The following SLCO4A1 variants were observed in gnomAD, a reference collection of about 807,000 sequenced individuals.
SLCO4A1 encodes colon organic anion transporter.
A neutral mutation model predicts 64.6 loss-of-function variants in SLCO4A1; 51 were observed. The ratio of observed to expected loss-of-function variants is 0.79; its 90% CI spans 0.63 to 1.00. The LOEUF (loss-of-function observed/expected upper bound fraction) is 1.00. Ranked by LOEUF, SLCO4A1 falls within the 50% of genes least tolerant of loss-of-function variation. SLCO4A1 has a pLI of 0.00. For missense variants in SLCO4A1, 919 were observed against 980.5 expected (o/e 0.94, Z 0.84); for synonymous variants, 471 against 444.9 (o/e 1.06, Z -0.74).
Position 62,661,041 on chromosome 20 carries a change from C to CCCCCCCCCCCCCCCCAAACA in SLCO4A1, c.1010-23_1010-22insCCCCCCCCCCCCCCCAAACA. ...TCCGGGAGCCCCCAGCCCCCAGCCC[C>CCCCCCCCCCCCCCCCAAACA]AGCTCACTCTGTGCCCTTCCAGGCT... is the stretch of plus-strand genomic sequence containing the variant. On this transcript the variant is annotated intron_variant, in intron 4 of 11. Coordinates refer to ENST00000217159, the MANE Select transcript of SLCO4A1 (RefSeq NM_016354.4). This position sits in a 1 kb window ranked among gnomAD's most constrained non-coding sequence, Gnocchi z 5.2. The CCCCCCCCCCCCCCCCAAACA allele has an allele frequency of 1.4e-6, 2 of 1,424,144 alleles. No individual in the cohort carries two copies. Among genetic ancestry groups the CCCCCCCCCCCCCCCCAAACA allele is most frequent in the Non-Finnish European group, 2.0e-6 (2 of 1,010,142 alleles). The allele number at this position is 1,424,144 out of a possible 1,614,324, so 88.2% of individuals were successfully genotyped here. A position where few individuals can be genotyped will look rare whatever the true frequency, so the allele number is the denominator to read the frequency against.
In SLCO4A1 at chr20:62,685,253, G is replaced by A. The variant is rs1439340599; in HGVS notation, n.212-188G>A. Reference sequence around the variant, plus strand: ...AGCGGGGTGTGGGGGCAGGAGGAGGGGGGTGGTGGGGAGTGGGGGCTGGGT... The same window carrying A: ...AGCGGGGTGTGGGGGCAGGAGGAGGAGGGTGGTGGGGAGTGGGGGCTGGGT... On this transcript the variant is annotated intron_variant and non_coding_transcript_variant, in intron 2 of 2. Coordinates refer to the SLCO4A1 transcript ENST00000466818. This position sits in a 1 kb window ranked among gnomAD's most constrained non-coding sequence, Gnocchi z 4.6. Among the ~76,000 whole-genome samples the A allele has an allele frequency of 6.7e-6, 1 of 150,038 alleles. No individual in the cohort carries two copies. Among genetic ancestry groups the A allele is most frequent in the Non-Finnish European group, 1.5e-5 (1 of 67,238 alleles).
Position 62,668,458 on chromosome 20 carries a change from CT to C in SLCO4A1, c.1812-18del. ...AACCCCACTTCTGTGGGTGCTGACG[CT>C]GTGGTTTTCTATTGCAGATGTGTCC... On this transcript the variant is annotated intron_variant, in intron 9 of 11. Coordinates refer to ENST00000217159, the MANE Select transcript of SLCO4A1 (RefSeq NM_016354.4). 6.2e-7 allele frequency: 1 copy of C among 1,613,492 alleles called. No homozygotes were observed. The highest frequency in any genetic ancestry group is 8.5e-7 in the Non-Finnish European group (1 of 1,179,758).
chr20:62,671,495 A>T (rs1217136142), intron 11 of SLCO4A1, among the ~76,000 whole-genome samples: 1 of 152,148 alleles, frequency 6.6e-6, no homozygotes, highest in Non-Finnish European at 1.5e-5. Context: ...GCACTGTTCA[A>T]CCCATGACAA....
At chr20:62,643,606 C>CAGAGCCCGGTGTCAGCGACGTTTTCAT (rs1443989645) in intron 1 of SLCO4A1, among the ~76,000 whole-genome samples, 1 of 152,256 alleles carries the variant, frequency 6.6e-6, no homozygotes. Context: ...TCAGCTGCTG[C>CAGAGCCCGGTGTCAGCGACGTTTTCAT]TCCTCAGCTG....
Position 62,678,052 on chromosome 20 carries a change from C to A in SLCO4A1, n.212-7389C>A, listed in dbSNP as rs115730644. ...AGTAAAGGCTTGAAAGAAAGTGAGG[C>A]AAAGGTTGATGGAAGCTGGAGGAAG... On this transcript the variant is annotated intron_variant and non_coding_transcript_variant, in intron 2 of 2. Transcript: ENST00000466818. Among the ~76,000 whole-genome samples, 1,318 of 152,294 alleles carry A rather than the reference C, an allele frequency of 8.7e-3. 18 individuals are homozygous for A. Among genetic ancestry groups the A allele is most frequent in the African/African-American group, 0.03 (1,245 of 41,554 alleles).
At chr20:62,659,756 G>A (rs112529142) in intron 3 of SLCO4A1, among the ~76,000 whole-genome samples, 2,948 of 152,330 alleles carry the variant, frequency 0.019, 79 homozygotes, top group African/African-American at 0.068. Flanking sequence ...GTCTGTCTCT[G>A]CGGCTCTGCT....
At chr20:62,652,081 G>T (rs942403101) in intron 1 of SLCO4A1, 33 of 73,066 alleles carry the variant, frequency 4.5e-4, no homozygotes, top group African/African-American at 1.8e-3. Flanking sequence ...CCCCCTCCCC[G>T]TGCCAGCACG....
intron 1 of SLCO4A1, among the ~76,000 whole-genome samples, chr20:62,646,161 G>A (rs952086282): frequency 6.6e-6 from 1 of 152,150 alleles, no homozygotes; most frequent in Non-Finnish European, 1.5e-5. Context: ...GGTCAGGTTT[G>A]AGCCCCTTTG....
chr20:62,660,955 C>T (rs746585838), intron 4 of SLCO4A1, 109 bp from the exon 5 acceptor site: 19 of 751,076 alleles, frequency 2.5e-5, no homozygotes, highest in African/African-American at 8.7e-5. Flanking sequence ...CAGACAGTGA[C>T]GTTCCCAGAC....
intron 2 of SLCO4A1, among the ~76,000 whole-genome samples, chr20:62,657,991 A>G (rs1311483376): frequency 6.6e-6 from 1 of 151,694 alleles, no homozygotes; most frequent in Non-Finnish European, 1.5e-5. Context: ...GTTTGTTGAG[A>G]TGTAGGGAAG....
At position 62,668,956 on chromosome 20, in the gene SLCO4A1, G is replaced by T; in HGVS notation, c.1903G>T (p.Gly635Cys). The change falls in exon 11 of 12, where the codon GGC (glycine) becomes TGC (cysteine). Residue 635 changes from glycine (G) to cysteine (C), a missense_variant. Coordinates refer to ENST00000217159, the MANE Select transcript of SLCO4A1 (RefSeq NM_016354.4). ...GGGCATCCCGGGGCCCATCGCCTTC[G>T]GCTGGGTGATCGACAAGGCCTGTCT... ...LGGIPGPIAF[G>C]WVIDKACLLW... 1 of 1,607,522 alleles carries T rather than the reference G, an allele frequency of 6.2e-7. No homozygotes were observed. Among genetic ancestry groups the T allele is most frequent in the Non-Finnish European group, 8.5e-7 (1 of 1,179,968 alleles).
In SLCO4A1 at chr20:62,671,917, A is replaced by T; in HGVS notation, c.*24A>T. On this transcript the variant is annotated 3_prime_UTR_variant, in exon 12 of 12. Transcript: ENST00000217159. ...GACCACCGCCCGCGCCCACCCGGCC[A>T]CGGCGGGCACTCAGCATTTCCTGAT... is the stretch of plus-strand genomic sequence containing the variant. The T allele has an allele frequency of 1.3e-5, 21 of 1,606,950 alleles. No homozygotes were observed. Among genetic ancestry groups the T allele is most frequent in the Non-Finnish European group, 1.8e-5 (21 of 1,179,976 alleles).
intron 2 of SLCO4A1, among the ~76,000 whole-genome samples, chr20:62,678,304 A>G (rs778475666): frequency 2.0e-5 from 3 of 152,226 alleles, no homozygotes; most frequent in Non-Finnish European, 4.4e-5. Flanking sequence ...ACAGAATTTA[A>G]AAGAAAGCTG....
downstream of SLCO4A1, among the ~76,000 whole-genome samples, chr20:62,674,694 C>T (rs1413309238): frequency 6.6e-6 from 1 of 152,176 alleles, no homozygotes; most frequent in Non-Finnish European, 1.5e-5. Flanking sequence ...GGTCGAAGCC[C>T]CAGCACCCAG....
rs532232200 is a variant in SLCO4A1 at position 62,646,137 on chromosome 20, T to C, written c.-97+3584T>C. On this transcript the variant is annotated intron_variant, in intron 1 of 11. Transcript: ENST00000217159. ...CGAGGGCCCTTCTGGGTCTTGTCTC[T>C]CCCACACATTGGGGGTCAGGTTTGA... is the stretch of plus-strand genomic sequence containing the variant. Among the ~76,000 whole-genome samples the C allele has an allele frequency of 1.6e-4, 24 of 152,252 alleles. 1 individual carries two copies. The South Asian group carries it at 4.8e-3, about 30-fold the overall frequency.
intron 3 of SLCO4A1, among the ~76,000 whole-genome samples, chr20:62,659,004 T>C (rs538878940): frequency 1.3e-5 from 2 of 152,214 alleles, no homozygotes; most frequent in Non-Finnish European, 2.9e-5. Context: ...GCCCGAGGCC[T>C]AAGCGCTTGC....
At position 62,645,873 on chromosome 20, in the gene SLCO4A1, C is replaced by T. The variant is rs556307217; in HGVS notation, c.-97+3320C>T. Among the ~76,000 whole-genome samples, 29 of 152,188 alleles carry T rather than the reference C, an allele frequency of 1.9e-4. No individual in the cohort carries two copies. Among genetic ancestry groups the T allele is most frequent in the African/African-American group, 7.0e-4 (29 of 41,526 alleles). ...TTGGGGGGCACCTGAGGCATTGCCC[C>T]TCTGGCCCAAGCCGCAGGGAGAGCT... On this transcript the variant is annotated intron_variant, in intron 1 of 11. Coordinates refer to ENST00000217159, the MANE Select transcript of SLCO4A1 (RefSeq NM_016354.4). The surrounding 1 kb of genome is among the most constrained non-coding windows in gnomAD (Gnocchi z 4.2).
At chr20:62,646,369 TG>T (rs1417031505) in intron 1 of SLCO4A1, among the ~76,000 whole-genome samples, 1 of 152,200 alleles carries the variant, frequency 6.6e-6, no homozygotes. Flanking sequence ...GCCTGAGAAC[TG>T]GGGAGGTCCT....
At chr20:62,648,595 C>T (rs889247668) in intron 1 of SLCO4A1, among the ~76,000 whole-genome samples, 1 of 152,246 alleles carries the variant, frequency 6.6e-6, no homozygotes, top group African/African-American at 2.4e-5. Context: ...TGGGAGAGGA[C>T]CCTACTCCAT....
Sources: gnomAD v4.1 joint callset for allele counts (sites outside exome capture counted in the v4.1 genomes callset) on GRCh38, gnomAD v4.1.1 for gene constraint, Gnocchi (gnomAD v3.1) non-coding constraint, MANE v1.5 for transcripts, NCBI Gene and HGNC (gene_info 2026-07-23, HGNC 2026-07-21) for gene names.